Variants in COL11A1 observed in about 807,000 individuals in gnomAD.
The protein encoded by COL11A1 is collagen type XI alpha 1 chain.
COL11A1 carries 74 observed loss-of-function variants against 265.2 expected under a neutral mutation model. The ratio of observed to expected loss-of-function variants is 0.28; its 90% CI spans 0.23 to 0.34. COL11A1 has a LOEUF of 0.34. Ranked by LOEUF, COL11A1 falls within the 10% of genes least tolerant of loss-of-function variation. COL11A1 has a pLI of 1.00. For synonymous variants in COL11A1, 816 were observed against 727.6 expected (o/e 1.12, Z -1.96); for missense variants, 2,165 against 2,263.6 (o/e 0.96, Z 0.88).
chr1:102,880,230 A>G (rs1650060111), intron 65 of COL11A1, among the ~76,000 whole-genome samples: 1 of 152,164 alleles, frequency 6.6e-6, no homozygotes, highest in African/African-American at 2.4e-5. Context: ...GTTTCAATAT[A>G]TTTCTGTATC....
chr1:103,018,821 A>AGGTCCTGCT lies in COL11A1; in HGVS notation c.1338_1346dup (p.Pro449_Gly451dup). On this transcript the variant is annotated inframe_insertion, in exon 10 of 67. Coordinates refer to ENST00000370096, the MANE Select transcript of COL11A1 (RefSeq NM_001854.4). ...TAATCTTAAAACATTTACATACTGC[A>AGGTCCTGCT]GGTCCTGCTGGTCCTGGTGGTCCTT... 6.2e-7 allele frequency: 1 copy of AGGTCCTGCT among 1,611,372 alleles called. No individual in the cohort carries two copies. Among genetic ancestry groups the AGGTCCTGCT allele is most frequent in the African/African-American group, 1.3e-5 (1 of 74,984 alleles).
chr1:102,928,268 A>G (rs1386485302), intron 46 of COL11A1, among the ~76,000 whole-genome samples: 3 of 141,626 alleles, frequency 2.1e-5, no homozygotes, highest in Non-Finnish European at 3.0e-5. Context: ...ACCCCACCAC[A>G]GTCCCCAGAG....
chr1:103,107,591 G>T (rs1159277259), intron 1 of COL11A1, among the ~76,000 whole-genome samples: 2 of 148,182 alleles, frequency 1.3e-5, no homozygotes. Flanking sequence ...TTCTCACTTG[G>T]TTGCAGACAA....
intron 57 of COL11A1, among the ~76,000 whole-genome samples, chr1:102,897,613 C>T (rs564540860): frequency 6.6e-6 from 1 of 152,176 alleles, no homozygotes; most frequent in African/African-American, 2.4e-5. Context: ...TTGCATTTCT[C>T]AAGCATGTTG....
At chr1:103,086,386 C>T (rs1672859304) in intron 1 of COL11A1, among the ~76,000 whole-genome samples, 1 of 152,028 alleles carries the variant, frequency 6.6e-6, no homozygotes, top group African/African-American at 2.4e-5. Flanking sequence ...ATAAAATGGA[C>T]TGCAAAGTCC....
intron 4 of COL11A1, among the ~76,000 whole-genome samples, chr1:103,046,303 G>T: frequency 1.0e-5 from 1 of 99,216 alleles, no homozygotes; most frequent in African/African-American, 3.7e-5. Flanking sequence ...CATTCTAACT[G>T]GTGTGAGATG....
At chr1:102,953,930 T>G in intron 41 of COL11A1, among the ~76,000 whole-genome samples, 1 of 152,284 alleles carries the variant, frequency 6.6e-6, no homozygotes, top group Non-Finnish European at 1.5e-5. Flanking sequence ...TATAGCAATA[T>G]TATTTTCTTA....
At chr1:103,048,571 T>G (rs1167975015) in intron 4 of COL11A1, among the ~76,000 whole-genome samples, 4 of 152,192 alleles carry the variant, frequency 2.6e-5, no homozygotes, top group African/African-American at 9.7e-5. Context: ...ACTGATTTTT[T>G]GAAGGGTTTT....
intron 38 of COL11A1, among the ~76,000 whole-genome samples, chr1:102,963,435 G>C (rs1474334311): frequency 6.6e-6 from 1 of 152,158 alleles, no homozygotes; most frequent in Admixed American, 6.6e-5. Context: ...TGTCCCCTGA[G>C]TGGTGCTGTT....
At chr1:103,022,231 A>G (rs556853941) in intron 8 of COL11A1, among the ~76,000 whole-genome samples, 2 of 152,220 alleles carry the variant, frequency 1.3e-5, no homozygotes, top group South Asian at 4.1e-4. Flanking sequence ...ATTTTTAAAT[A>G]TGAAGACCTA....
intron 4 of COL11A1, among the ~76,000 whole-genome samples, chr1:103,063,743 A>G (rs562746008): frequency 1.3e-5 from 2 of 152,318 alleles, no homozygotes; most frequent in East Asian, 3.9e-4. Context: ...TCTATTCTGA[A>G]AAGACAATAT....
In COL11A1 at chr1:102,921,544, C is replaced by G. The variant is rs779225134; in HGVS notation, c.3682G>C (p.Gly1228Arg). 1 of 1,613,378 alleles carries G rather than the reference C, an allele frequency of 6.2e-7. No individual in the cohort carries two copies. Among genetic ancestry groups the G allele is most frequent in the East Asian group, 2.2e-5 (1 of 44,824 alleles). ...TCAGCTCCATTGGGACCTTGAGGGC[C>G]TCTTGGGCCTGGAGGACCAGGTGGC... ...MGPPGPPGPR[G>R]PQGPNGADGP... Residue 1228 changes from glycine to arginine, a missense_variant, in exon 48 of 67, where the codon GGC becomes CGC. Transcript: ENST00000370096.
chr1:103,044,416 T>C (rs1350657241), intron 4 of COL11A1, among the ~76,000 whole-genome samples: 1 of 152,050 alleles, frequency 6.6e-6, no homozygotes, highest in Admixed American at 6.6e-5. Context: ...TTTGAGAAAA[T>C]TAGCAGTGTC....
chr1:102,932,382 G>A (rs1465926519), intron 46 of COL11A1, among the ~76,000 whole-genome samples: 1 of 152,104 alleles, frequency 6.6e-6, no homozygotes, highest in Non-Finnish European at 1.5e-5. Flanking sequence ...GAAGTTCTGG[G>A]TTGAAAATTC....
intron 2 of COL11A1, among the ~76,000 whole-genome samples, chr1:103,080,737 G>A (rs2102313013): frequency 6.6e-6 from 1 of 151,876 alleles, no homozygotes; most frequent in Non-Finnish European, 1.5e-5. Context: ...AATTAATACA[G>A]CCATATAGAA....
At chr1:103,065,985 A>G (rs957553313) in intron 4 of COL11A1, among the ~76,000 whole-genome samples, 1 of 152,160 alleles carries the variant, frequency 6.6e-6, no homozygotes, top group African/African-American at 2.4e-5. Context: ...GACCAGAGAC[A>G]AAACATTTTT....
chr1:102,923,476 T>G, intron 46 of COL11A1, 87 bp from the exon 47 acceptor site: 1 of 969,658 alleles, frequency 1.0e-6, no homozygotes, highest in South Asian at 1.5e-5. Context: ...AAATCAAGTA[T>G]AAAGTTCAAT....
intron 57 of COL11A1, 143 bp from the exon 58 acceptor site, chr1:102,890,647 G>A: frequency 3.4e-6 from 2 of 584,834 alleles, no homozygotes; most frequent in African/African-American, 3.8e-5. Flanking sequence ...TATTTTTAAG[G>A]CTTCTAAGTA....
chr1:102,914,958 G>A (rs192183221), intron 50 of COL11A1, 147 bp from the exon 51 acceptor site: 137 of 674,266 alleles, frequency 2.0e-4, no homozygotes, highest in Non-Finnish European at 2.2e-4. Flanking sequence ...AAGTTGGAGT[G>A]TAGTGGCACA....
Sources: gnomAD v4.1 joint callset for allele counts (sites outside exome capture counted in the v4.1 genomes callset) on GRCh38, gnomAD v4.1.1 for gene constraint, MANE v1.5 for transcripts, NCBI Gene and HGNC (gene_info 2026-07-23, HGNC 2026-07-21) for gene names.